Variants in KIF20B observed in about 807,000 individuals in gnomAD.
The protein encoded by KIF20B is kinesin-like protein KIF20B.
A neutral mutation model predicts 232.5 loss-of-function variants in KIF20B; 188 were observed. That is an observed-to-expected ratio of 0.81 (90% CI 0.72 to 0.91). The LOEUF (loss-of-function observed/expected upper bound fraction) is 0.91, where lower values mean the gene tolerates loss of function less well. Among genes scored for constraint, KIF20B ranks in the 40% least tolerant of loss-of-function variants. The pLI, the probability that KIF20B is intolerant of heterozygous loss-of-function variation, is 0.00. For synonymous variants in KIF20B, 712 were observed against 683.0 expected, an observed-to-expected ratio of 1.04 and a Z score of -0.66; for missense variants, 2,154 against 2,055.9, an observed-to-expected ratio of 1.05 and a Z score of -0.92.
intron 26 of KIF20B, among the ~76,000 whole-genome samples, chr10:89,755,413 TCCTTCCCTCCCCTCCCC>T (rs1422465664): frequency 8.5e-6 from 1 of 117,794 alleles, no homozygotes; most frequent in African/African-American, 3.1e-5. Context: ...CTCCCTCCTT[TCCTTCCCTCCCCTCCCC>T]CCTTTCCTTC....
intron 19 of KIF20B, among the ~76,000 whole-genome samples, chr10:89,734,082 T>C (rs761649245): frequency 2.0e-5 from 3 of 152,026 alleles, no homozygotes; most frequent in Non-Finnish European, 2.9e-5. Context: ...GGGAAATCAG[T>C]ATCTTGAGAG....
chr10:89,741,373 A>T (rs547434652), intron 21 of KIF20B, among the ~76,000 whole-genome samples: 1 of 152,322 alleles, frequency 6.6e-6, no homozygotes, highest in East Asian at 1.9e-4. Context: ...CCAGTTCCTA[A>T]CAAGCTATGG....
At chr10:89,757,786 G>A (rs1842159170) in intron 26 of KIF20B, among the ~76,000 whole-genome samples, 1 of 150,786 alleles carries the variant, frequency 6.6e-6, no homozygotes, top group Non-Finnish European at 1.5e-5. Context: ...TAAATCATTT[G>A]CCCACGGGTT....
chr10:89,750,439 A>C (rs1439854749), intron 23 of KIF20B, among the ~76,000 whole-genome samples: 1 of 152,170 alleles, frequency 6.6e-6, no homozygotes, highest in Non-Finnish European at 1.5e-5. Flanking sequence ...ATCAATGGAA[A>C]AATACTAAAA....
intron 31 of KIF20B, among the ~76,000 whole-genome samples, chr10:89,769,139 A>G (rs1334274956): frequency 6.6e-6 from 1 of 152,006 alleles, no homozygotes; most frequent in Non-Finnish European, 1.5e-5. Flanking sequence ...TAATAGGGGT[A>G]TAAGCAAAGG....
At position 89,709,167 on chromosome 10, in the gene KIF20B, G is replaced by T. The variant is rs1381027300; in HGVS notation, c.148G>T (p.Ala50Ser). Residue 50 changes from alanine to serine, a missense_variant and splice_region_variant, in exon 3 of 33, where the codon GCA becomes TCA. By Grantham distance (99) the Ala-to-Ser change is moderately conservative. Transcript: ENST00000371728. ...EFSLVAPNTE[A>S]NSFESKDYLQ... ...ATGTTTTTCTCCTTTATTTTTTAAG[G>T]CAAACAGTTTCGAATCTAAAGATTA... is the stretch of plus-strand genomic sequence containing the variant. The T allele has an allele frequency of 6.3e-7, 1 of 1,597,016 alleles. No individual in the cohort carries two copies. The highest frequency in any genetic ancestry group is 1.7e-5 in the Admixed American group (1 of 59,304).
rs112173887 is a variant in KIF20B at position 89,717,789 on chromosome 10, T to A, written c.1271+67T>A. 3.4e-5 allele frequency: 40 copies of A among 1,178,192 alleles called. No homozygotes were observed. The African/African-American group carries it at 4.8e-4, about 14-fold the overall frequency. 73.0% of individuals were successfully genotyped at this position (1,178,192 alleles called of 1,614,324 possible). A position where few individuals can be genotyped will look rare whatever the true frequency, so the allele number is the denominator to read the frequency against. On this transcript the variant is annotated intron_variant, in intron 11 of 32. Coordinates refer to ENST00000371728, the MANE Select transcript of KIF20B (RefSeq NM_001284259.2). ...AATATTTAAACTTTCAACTTTTTTG[T>A]TTTTAGAAAGTTCTTTTTTGATTTT...
In KIF20B at chr10:89,772,581, T is replaced by G. The variant is rs982883755; in HGVS notation, c.5243-108T>G. On this transcript the variant is annotated intron_variant, in intron 31 of 32. Transcript: ENST00000371728. ...TATATTGCAGTGTTTTTAGTTTGTG[T>G]ATGTTCATTCTTTATTAAGGATTTC... is the stretch of plus-strand genomic sequence containing the variant. 1.1e-5 allele frequency: 7 copies of G among 644,964 alleles called. No homozygotes were observed. In the Admixed American group the frequency reaches 2.0e-4, roughly 19 times the overall value. 40.0% of individuals were successfully genotyped at this position (644,964 alleles called of 1,614,324 possible).
chr10:89,706,437 C>T (rs2148275), intron 2 of KIF20B, among the ~76,000 whole-genome samples: 116,857 of 151,982 alleles, frequency 0.77, 45,215 homozygotes, highest in South Asian at 0.93. Flanking sequence ...TTCTTTTCTT[C>T]TTTGGTGAAT....
intron 17 of KIF20B, among the ~76,000 whole-genome samples, chr10:89,728,905 T>TTGTG (rs71022581): frequency 0.047 from 6,474 of 137,990 alleles, 222 homozygotes; most frequent in African/African-American, 0.097. Flanking sequence ...TCTTTTTTCT[T>TTGTG]TGTGTGTGTG....
At chr10:89,757,040 G>GTATGTGTATATATATA (rs1554852904) in intron 26 of KIF20B, among the ~76,000 whole-genome samples, 27 of 110,752 alleles carry the variant, frequency 2.4e-4, no homozygotes, top group Non-Finnish European at 4.3e-4. Context: ...GTGTGTGTGT[G>GTATGTGTATATATATA]TATATATATA....
At chr10:89,757,036 G>GTGTGTA (rs200543060) in intron 26 of KIF20B, among the ~76,000 whole-genome samples, 1 of 82,222 alleles carries the variant, frequency 1.2e-5, no homozygotes, top group Non-Finnish European at 2.5e-5. Flanking sequence ...GTGTGTGTGT[G>GTGTGTA]TGTGTATATA....
rs561439759 is a variant in KIF20B at position 89,727,750 on chromosome 10, ATG to A, written c.2231-104_2231-103del. On this transcript the variant is annotated intron_variant, in intron 16 of 32. Coordinates refer to ENST00000371728, the MANE Select transcript of KIF20B (RefSeq NM_001284259.2). ...GTGCTATCAAAATCCTTTTTATTGA[ATG>A]TAACAGTAAAGTGTCACTAGAGCAG... 7.5e-4 allele frequency: 751 copies of A among 998,016 alleles called. 10 individuals are homozygous for A. In the African/African-American group the frequency reaches 0.011, roughly 15 times the overall value. The allele number at this position is 998,016 out of a possible 1,614,324, so 61.8% of individuals were successfully genotyped here.
chr10:89,723,900 G>T, intron 13 of KIF20B, 64 bp from the exon 14 acceptor site: 2 of 1,211,480 alleles, frequency 1.7e-6, no homozygotes, highest in Non-Finnish European at 1.1e-6. Flanking sequence ...TTGAACAGTT[G>T]GACGGTATTT....
chr10:89,762,779 C>G lies in KIF20B; in HGVS notation c.4933C>G (p.Pro1645Ala). Reference protein sequence around the residue: ...MAVKHPGCTTPVTVKIPKARK... With the variant: ...MAVKHPGCTTAVTVKIPKARK... ...AGTGAAACACCCTGGTTGTACCACA[C>G]CAGTGACAGTTAAGATTCCCAAGGC... The change falls in exon 29 of 33, where the codon CCA becomes GCA. Residue 1645 changes from proline to alanine, a missense_variant. By Grantham distance (27) the Pro-to-Ala change is conservative. Transcript: ENST00000371728. The G allele has an allele frequency of 6.2e-7, 1 of 1,613,264 alleles. No homozygotes were observed. The highest frequency in any genetic ancestry group is 8.5e-7 in the Non-Finnish European group (1 of 1,179,558).
chr10:89,745,172 T>G (rs1418303856), intron 22 of KIF20B, among the ~76,000 whole-genome samples: 1 of 152,178 alleles, frequency 6.6e-6, no homozygotes, highest in Non-Finnish European at 1.5e-5. Context: ...TTTTTGTGGT[T>G]TGTAAGAAAA....
chr10:89,764,557 G>A (rs1468963743), intron 29 of KIF20B, among the ~76,000 whole-genome samples: 1 of 152,134 alleles, frequency 6.6e-6, no homozygotes, highest in Non-Finnish European at 1.5e-5. Flanking sequence ...TCCAGCACCT[G>A]TTGTTCCCTG....
At chr10:89,728,945 G>GTGTGTGTGTGTGTA (rs1443278085) in intron 17 of KIF20B, among the ~76,000 whole-genome samples, 183 bp from the exon 18 acceptor site, 1 of 75,458 alleles carries the variant, frequency 1.3e-5, no homozygotes, top group African/African-American at 6.9e-5. Flanking sequence ...GTGTGTGTGT[G>GTGTGTGTGTGTGTA]TGTATGTAAT....
At chr10:89,737,327 G>A (rs1841679388) in intron 19 of KIF20B, 60 bp from the exon 20 acceptor site, 1 of 1,377,008 alleles carries the variant, frequency 7.3e-7, no homozygotes. Context: ...TGGCTTATAT[G>A]GTGACTTTTT....
Sources: gnomAD v4.1 joint callset for allele counts (sites outside exome capture counted in the v4.1 genomes callset) on GRCh38, gnomAD v4.1.1 for gene constraint, MANE v1.5 for transcripts, NCBI Gene and HGNC (gene_info 2026-07-23, HGNC 2026-07-21) for gene names.